TAFA2: variants seen among roughly 807,000 people sequenced by gnomAD.
TAFA2 encodes the protein TAFA chemokine like family member 2, also known as chemokine-like protein TAFA-2.
Under a neutral mutation model 18.8 loss-of-function variants are expected in TAFA2, and 7 were observed. The observed-to-expected ratio is 0.37, with a 90% CI of 0.21 to 0.70. The LOEUF (loss-of-function observed/expected upper bound fraction) is 0.70, where lower values mean the gene tolerates loss of function less well. TAFA2 is among the 30% of genes least tolerant of loss of function. The probability of loss-of-function intolerance (pLI) is 0.53; values close to 1 mark genes in which losing one functional copy is unlikely to be tolerated. For synonymous variants in TAFA2, 60 were observed against 54.2 expected (o/e 1.11, Z -0.47); for missense variants, 122 against 158.1 (o/e 0.77, Z 1.23).
intron 1 of TAFA2, among the ~76,000 whole-genome samples, chr12:62,250,684 C>G (rs2062909055): frequency 1.3e-5 from 2 of 152,058 alleles, no homozygotes; most frequent in South Asian, 4.1e-4. Context: ...CTCTATGTAT[C>G]TTAACTGTTC....
At chr12:61,836,756 TAC>T (rs58707678) in intron 2 of TAFA2, among the ~76,000 whole-genome samples, 5 of 119,844 alleles carry the variant, frequency 4.2e-5, no homozygotes, top group Admixed American at 9.5e-5. Context: ...TATATATATA[TAC>T]ACACACACAC....
At chr12:62,192,803 GAAC>G (rs1420588481), upstream of TAFA2, 1 of 152,206 alleles carries the variant, frequency 6.6e-6, no homozygotes, top group African/African-American at 2.4e-5. Flanking sequence ...TGCAGAAAAA[GAAC>G]GAGACAGTAA....
chr12:61,805,641 C>T (rs2168452), intron 2 of TAFA2, among the ~76,000 whole-genome samples: 132,668 of 152,064 alleles, frequency 0.87, 57,949 homozygotes, highest in African/African-American at 0.92. Flanking sequence ...CAAGATGCCC[C>T]AAACAATCCT....
At chr12:61,752,305 T>C (rs1869057581) in intron 4 of TAFA2, among the ~76,000 whole-genome samples, 1 of 152,018 alleles carries the variant, frequency 6.6e-6, no homozygotes, top group African/African-American at 2.4e-5. Flanking sequence ...ACAAAGAATT[T>C]GGTTGTCAAG....
chr12:62,050,593 A>G (rs1882027195), intron 1 of TAFA2, among the ~76,000 whole-genome samples: 1 of 152,018 alleles, frequency 6.6e-6, no homozygotes, highest in South Asian at 2.1e-4. Context: ...AAATTGTTAC[A>G]AACTTTACAC....
chr12:61,819,045 GATTA>G (rs1468316102), intron 2 of TAFA2, among the ~76,000 whole-genome samples: 2 of 152,050 alleles, frequency 1.3e-5, no homozygotes, highest in Non-Finnish European at 2.9e-5. Context: ...CATTATTACT[GATTA>G]ATTAGATTCC....
At chr12:61,938,947 T>C (rs1877885087) in intron 1 of TAFA2, among the ~76,000 whole-genome samples, 2 of 151,678 alleles carry the variant, frequency 1.3e-5, no homozygotes, top group African/African-American at 4.8e-5. Flanking sequence ...AAAAAAAAAC[T>C]ACAAATAGGG....
intron 1 of TAFA2, among the ~76,000 whole-genome samples, chr12:62,116,873 T>G (rs551719552): frequency 3.9e-5 from 6 of 152,316 alleles, no homozygotes; most frequent in African/African-American, 1.4e-4. Flanking sequence ...GTTGTCTATT[T>G]GGCCACTTTT....
At chr12:61,891,541 G>A (rs1049009114) in intron 1 of TAFA2, among the ~76,000 whole-genome samples, 9 of 152,162 alleles carry the variant, frequency 5.9e-5, no homozygotes, top group African/African-American at 2.2e-4. Context: ...CCAGCTACTA[G>A]GGAGGCTGAG....
chr12:61,933,251 T>C (rs117055304), intron 1 of TAFA2, among the ~76,000 whole-genome samples: 2,662 of 152,296 alleles, frequency 0.017, 42 homozygotes, highest in Non-Finnish European at 0.027. Context: ...GCTCAAATCC[T>C]AGTTCAATCT....
chr12:62,014,906 A>G (rs1259863945), intron 1 of TAFA2, among the ~76,000 whole-genome samples: 1 of 152,176 alleles, frequency 6.6e-6, no homozygotes, highest in Non-Finnish European at 1.5e-5. Context: ...CAACCTCCAA[A>G]AAAAAAGCCA....
At chr12:61,933,253 G>C (rs971464446) in intron 1 of TAFA2, among the ~76,000 whole-genome samples, 1 of 152,152 alleles carries the variant, frequency 6.6e-6, no homozygotes, top group Non-Finnish European at 1.5e-5. Context: ...TCAAATCCTA[G>C]TTCAATCTGT....
At chr12:62,189,297 G>A (rs867927291) in intron 1 of TAFA2, among the ~76,000 whole-genome samples, 2 of 152,008 alleles carry the variant, frequency 1.3e-5, no homozygotes, top group African/African-American at 2.4e-5. Context: ...TCAACCTCAC[G>A]GACTTTTAGT....
rs908923011 is a variant in TAFA2 at position 61,916,134 on chromosome 12, C to A, written c.-1-48708G>T. 2.6e-5 allele frequency among the ~76,000 whole-genome samples: 4 copies of A among 152,140 alleles called. No homozygotes were observed. The South Asian group carries it at 8.3e-4, about 31-fold the overall frequency. ...CCTTTGTCACTGAGGTCATTATTTT[C>A]TTCAATAGGTTCCAGTTGTCTGTGT... On this transcript the variant is annotated intron_variant, in intron 1 of 4. Coordinates refer to ENST00000416284, the MANE Select transcript of TAFA2 (RefSeq NM_178539.5).
At chr12:62,003,158 T>C (rs1160530777) in intron 1 of TAFA2, among the ~76,000 whole-genome samples, 4 of 152,156 alleles carry the variant, frequency 2.6e-5, no homozygotes, top group African/African-American at 4.8e-5. Context: ...CCATCTACAG[T>C]CTATTGTCAA....
intron 1 of TAFA2, among the ~76,000 whole-genome samples, chr12:62,188,757 A>C (rs1213456475): frequency 6.6e-6 from 1 of 152,156 alleles, no homozygotes; most frequent in Non-Finnish European, 1.5e-5. Flanking sequence ...ATAATTTTTA[A>C]ATTTTTCTAC....
intron 1 of TAFA2, among the ~76,000 whole-genome samples, chr12:62,057,478 A>G (rs570575224): frequency 6.6e-6 from 1 of 152,190 alleles, no homozygotes; most frequent in East Asian, 1.9e-4. Context: ...GTTTATTCCT[A>G]CTGTATTATG....
chr12:61,982,550 C>T (rs1879673129), intron 1 of TAFA2, among the ~76,000 whole-genome samples: 1 of 152,116 alleles, frequency 6.6e-6, no homozygotes, highest in Non-Finnish European at 1.5e-5. Context: ...AGGTTCTTAA[C>T]ATGTATCCAT....
At chr12:61,804,617 G>A (rs1184635074) in intron 2 of TAFA2, among the ~76,000 whole-genome samples, 1 of 152,002 alleles carries the variant, frequency 6.6e-6, no homozygotes, top group East Asian at 1.9e-4. Flanking sequence ...CAACACTGTT[G>A]AGTCCAGTTA....
Sources: gnomAD v4.1 joint callset for allele counts (sites outside exome capture counted in the v4.1 genomes callset) on GRCh38, gnomAD v4.1.1 for gene constraint, MANE v1.5 for transcripts, NCBI Gene and HGNC (gene_info 2026-07-23, HGNC 2026-07-21) for gene names.